RAD51B: variants seen among roughly 807,000 people sequenced by gnomAD.
The protein encoded by RAD51B is DNA repair protein RAD51 homolog 2.
In RAD51B, 38 loss-of-function variants were observed where a neutral mutation model predicts 42.2. The observed-to-expected ratio is 0.90, with a 90% CI of 0.70 to 1.18. RAD51B has a LOEUF of 1.18. Among genes scored for constraint, RAD51B ranks in the 50% most tolerant of loss-of-function variants. The pLI is 0.00. For synonymous variants in RAD51B, 154 were observed against 145.2 expected (o/e 1.06, Z -0.43); for missense variants, 373 against 400.7 (o/e 0.93, Z 0.59).
In RAD51B at chr14:68,001,722, A is replaced by G. The variant is rs184586875; in HGVS notation, c.756+114518A>G. On this transcript the variant is annotated intron_variant, in intron 7 of 10. Coordinates refer to ENST00000471583, the MANE Select transcript of RAD51B (RefSeq NM_133510.4). ...CCCATCCCCCACCATCCAAGGCCCC[A>G]CTATGTATTGTTCCCCTCCATGTGT... Among the ~76,000 whole-genome samples the G allele has an allele frequency of 2.3e-3, 351 of 152,066 alleles. 1 individual carries two copies. The highest frequency in any genetic ancestry group is 8.2e-3 in the African/African-American group (340 of 41,472).
intron 7 of RAD51B, among the ~76,000 whole-genome samples, chr14:67,957,057 C>G (rs2074564029): frequency 6.6e-6 from 1 of 152,190 alleles, no homozygotes; most frequent in Non-Finnish European, 1.5e-5. Flanking sequence ...CTTACACAAA[C>G]CTTTCAATCT....
intron 11 of RAD51B, among the ~76,000 whole-genome samples, chr14:68,667,264 C>T (rs1893050591): frequency 6.6e-6 from 1 of 152,222 alleles, no homozygotes; most frequent in Non-Finnish European, 1.5e-5. Context: ...GCTGGAAACT[C>T]AGACAGAATT....
intron 7 of RAD51B, among the ~76,000 whole-genome samples, chr14:68,002,451 T>C (rs1595237467): frequency 1.3e-5 from 2 of 152,162 alleles, no homozygotes; most frequent in East Asian, 3.8e-4. Context: ...CAGACAGATA[T>C]ATTGCAAAAA....
chr14:67,852,619 A>G (rs1204829898), intron 4 of RAD51B, among the ~76,000 whole-genome samples: 1 of 152,186 alleles, frequency 6.6e-6, no homozygotes, highest in Non-Finnish European at 1.5e-5. Context: ...ACATACCATC[A>G]TTTCTGCAGT....
At chr14:68,360,942 C>T (rs1223326409) in intron 8 of RAD51B, among the ~76,000 whole-genome samples, 1 of 152,090 alleles carries the variant, frequency 6.6e-6, no homozygotes, top group Admixed American at 6.5e-5. Context: ...CTTGGCCTCC[C>T]TATAGCATTC....
At chr14:67,903,961 AG>A (rs1248754668) in intron 7 of RAD51B, among the ~76,000 whole-genome samples, 1 of 151,310 alleles carries the variant, frequency 6.6e-6, no homozygotes, top group African/African-American at 2.5e-5. Context: ...TGTATTCATG[AG>A]GACTCAGTGT....
rs568338566 is a variant in RAD51B, at chr14:68,644,100, G to T, written c.1037-6681G>T. 7.9e-5 allele frequency among the ~76,000 whole-genome samples: 12 copies of T among 152,210 alleles called. No homozygotes were observed. The South Asian group carries it at 1.2e-3, about 16-fold the overall frequency. ...CCCTCTCCTCCCTTCTTCTTCCAGG[G>T]GCCTTGTTTTAGGCTTGACCTTGGC... On this transcript the variant is annotated intron_variant, in intron 10 of 11. Transcript: ENST00000488612.
At chr14:68,348,705 C>G (rs1269500986) in intron 8 of RAD51B, among the ~76,000 whole-genome samples, 1 of 152,224 alleles carries the variant, frequency 6.6e-6, no homozygotes, top group Non-Finnish European at 1.5e-5. Flanking sequence ...TGAGACCATC[C>G]TGGCTAACAG....
intron 9 of RAD51B, among the ~76,000 whole-genome samples, chr14:68,447,096 G>A (rs574622917): frequency 3.3e-5 from 5 of 152,278 alleles, no homozygotes; most frequent in African/African-American, 9.6e-5. Context: ...GCACATGCCT[G>A]TAATTCCAGC....
intron 10 of RAD51B, among the ~76,000 whole-genome samples, chr14:68,514,982 G>A (rs188183157): frequency 5.3e-5 from 8 of 152,278 alleles, no homozygotes; most frequent in Admixed American, 5.2e-4. Context: ...TACAAAGCAG[G>A]TAATGGGAGG....
chr14:67,900,226 A>G (rs1447636185), intron 7 of RAD51B, among the ~76,000 whole-genome samples: 1 of 152,228 alleles, frequency 6.6e-6, no homozygotes, highest in African/African-American at 2.4e-5. Flanking sequence ...TTAAGAGTAT[A>G]ATTAATGCCT....
intron 7 of RAD51B, chr14:67,908,786 A>G (rs1052090764): frequency 6.6e-6 from 1 of 152,202 alleles, no homozygotes; most frequent in Non-Finnish European, 1.5e-5. Context: ...CTGGGAATAC[A>G]AAGGTAAATA....
intron 9 of RAD51B, among the ~76,000 whole-genome samples, chr14:68,426,193 C>A (rs980499869): frequency 6.6e-6 from 1 of 151,548 alleles, no homozygotes; most frequent in Non-Finnish European, 1.5e-5. Flanking sequence ...CTCAGCCTCC[C>A]GAGTAGCTGG....
At chr14:68,484,462 A>G (rs1883466627) in intron 10 of RAD51B, among the ~76,000 whole-genome samples, 3 of 147,784 alleles carry the variant, frequency 2.0e-5, no homozygotes, top group African/African-American at 5.1e-5. Context: ...GGTTCACGCT[A>G]TTCTCCTGCC....
At chr14:68,401,713 G>T (rs937953004) in intron 8 of RAD51B, among the ~76,000 whole-genome samples, 14 of 152,072 alleles carry the variant, frequency 9.2e-5, no homozygotes, top group Non-Finnish European at 2.9e-5. Flanking sequence ...TGCCTTCCTC[G>T]GTGGGTAAAT....
intron 7 of RAD51B, among the ~76,000 whole-genome samples, chr14:68,209,357 G>A (rs915548480): frequency 2.0e-4 from 31 of 152,126 alleles, no homozygotes; most frequent in African/African-American, 7.5e-4. Flanking sequence ...GTGACAGAGG[G>A]CACAGCAGCC....
At chr14:67,961,014 A>C (rs986817362) in intron 7 of RAD51B, among the ~76,000 whole-genome samples, 1 of 151,884 alleles carries the variant, frequency 6.6e-6, no homozygotes, top group Non-Finnish European at 1.5e-5. Flanking sequence ...TCATTCATTC[A>C]TTCATTTATT....
chr14:68,482,770 G>A (rs941577691), downstream of RAD51B, among the ~76,000 whole-genome samples: 1 of 152,192 alleles, frequency 6.6e-6, no homozygotes, highest in African/African-American at 2.4e-5. Flanking sequence ...CTGAATTTCG[G>A]TGAGGGCAGG....
chr14:68,607,845 G>T (rs541160859), intron 10 of RAD51B, among the ~76,000 whole-genome samples: 9 of 152,104 alleles, frequency 5.9e-5, no homozygotes, highest in African/African-American at 2.2e-4. Context: ...AGGGGCTGTC[G>T]ATTACCCGGG....
Sources: allele counts gnomAD v4.1 joint callset (sites outside exome capture counted in the v4.1 genomes callset), GRCh38; gene constraint gnomAD v4.1.1; transcripts MANE v1.5; gene names NCBI Gene and HGNC (gene_info 2026-07-23, HGNC 2026-07-21).